TAS2R1: variants seen among roughly 807,000 people sequenced by gnomAD.
TAS2R1 encodes taste receptor type 2 member 1.
For synonymous variants in TAS2R1, 141 were observed against 134.2 expected (o/e 1.05, Z -0.35); for missense variants, 370 against 353.4 (o/e 1.05, Z -0.38).
chr5:9,687,474 T>C (rs1741151031), intron 1 of TAS2R1, among the ~76,000 whole-genome samples: 1 of 152,136 alleles, frequency 6.6e-6, no homozygotes, highest in Non-Finnish European at 1.5e-5. Flanking sequence ...TTTTGACACA[T>C]GCTGAACTGA....
intron 2 of TAS2R1, among the ~76,000 whole-genome samples, chr5:9,657,097 T>C (rs970357284): frequency 5.3e-5 from 8 of 152,086 alleles, no homozygotes; most frequent in African/African-American, 1.9e-4. Flanking sequence ...AAATATACAA[T>C]ATATACAATA....
intron 1 of TAS2R1, among the ~76,000 whole-genome samples, chr5:9,708,563 T>C (rs776946001): frequency 2.0e-5 from 3 of 152,154 alleles, no homozygotes; most frequent in Non-Finnish European, 4.4e-5. Flanking sequence ...ACTATTTATA[T>C]GGAAGCTTTA....
At chr5:9,836,980 C>T in the TAS2R1 span, among the ~76,000 whole-genome samples, 16,274 of 152,112 alleles carry the variant, frequency 0.11, 948 homozygotes, top group Non-Finnish European at 0.13. Context: ...AGATTTAATA[C>T]GTTATTTTAT....
upstream of TAS2R1, among the ~76,000 whole-genome samples, chr5:9,715,208 A>C (rs1043111561): frequency 6.6e-5 from 10 of 152,290 alleles, no homozygotes; most frequent in East Asian, 1.2e-3. Flanking sequence ...TGTGTCTAGG[A>C]ATTTGGGGCA....
rs1349851827 is a variant in TAS2R1 at position 9,627,411 on chromosome 5, C to A, written c.*1722G>T. Among the ~76,000 whole-genome samples, 1 of 151,052 alleles carries A rather than the reference C, an allele frequency of 6.6e-6. No homozygotes were observed. The highest frequency in any genetic ancestry group is 1.5e-5 in the Non-Finnish European group (1 of 68,002). On this transcript the variant is annotated 3_prime_UTR_variant, in exon 1 of 1. Transcript: ENST00000382492. Reference sequence around the variant, plus strand: ...ACATTTCTTGATAACAGTATAAAAACCTAGTCATATCTTAATAGTTATCTA... The same window carrying A: ...ACATTTCTTGATAACAGTATAAAAAACTAGTCATATCTTAATAGTTATCTA...
At chr5:9,857,002 GC>G in the TAS2R1 span, among the ~76,000 whole-genome samples, 1 of 152,152 alleles carries the variant, frequency 6.6e-6, no homozygotes, top group Non-Finnish European at 1.5e-5. Flanking sequence ...AGAACTGGTG[GC>G]CATTATGTAA....
chr5:9,901,927 C>T, the TAS2R1 span, among the ~76,000 whole-genome samples: 1 of 152,088 alleles, frequency 6.6e-6, no homozygotes, highest in African/African-American at 2.4e-5. Flanking sequence ...GTTTATCATC[C>T]TCCCACGTCC....
At chr5:9,873,800 C>T in the TAS2R1 span, among the ~76,000 whole-genome samples, 12 of 144,578 alleles carry the variant, frequency 8.3e-5, no homozygotes, top group East Asian at 4.2e-4. Flanking sequence ...ACCCTGGAGG[C>T]GGAGGTTGCA....
the TAS2R1 span, among the ~76,000 whole-genome samples, chr5:9,793,585 T>C: frequency 6.6e-6 from 1 of 152,124 alleles, no homozygotes. Flanking sequence ...TCAATGCAGG[T>C]GCTCCGCTGC....
At chr5:9,778,293 A>G in the TAS2R1 span, among the ~76,000 whole-genome samples, 2 of 152,264 alleles carry the variant, frequency 1.3e-5, no homozygotes, top group Admixed American at 1.3e-4. Flanking sequence ...TGTTGTAAAC[A>G]GATGTGCTGT....
the TAS2R1 span, among the ~76,000 whole-genome samples, chr5:9,817,934 A>G: frequency 6.6e-6 from 1 of 152,094 alleles, no homozygotes; most frequent in Admixed American, 6.6e-5. Flanking sequence ...AGCTCCCATG[A>G]GAACTCACTC....
the TAS2R1 span, among the ~76,000 whole-genome samples, chr5:9,790,603 G>C: frequency 1.3e-5 from 2 of 152,146 alleles, no homozygotes; most frequent in Non-Finnish European, 2.9e-5. Context: ...GTGTGTGTCT[G>C]TGTGTGCATG....
At chr5:9,753,066 T>G in the TAS2R1 span, among the ~76,000 whole-genome samples, 1 of 152,214 alleles carries the variant, frequency 6.6e-6, no homozygotes, top group Non-Finnish European at 1.5e-5. Flanking sequence ...ATATACCCAG[T>G]AATGGGATGG....
chr5:9,752,948 C>G, the TAS2R1 span, among the ~76,000 whole-genome samples: 1 of 152,150 alleles, frequency 6.6e-6, no homozygotes, highest in Non-Finnish European at 1.5e-5. Context: ...CAGTCTATCA[C>G]TGTTGGACAT....
the TAS2R1 span, among the ~76,000 whole-genome samples, chr5:9,785,654 T>G: frequency 6.6e-6 from 1 of 152,194 alleles, no homozygotes; most frequent in Non-Finnish European, 1.5e-5. Flanking sequence ...CATTTTAGGG[T>G]CCCAGAGACT....
chr5:9,744,540 C>A, the TAS2R1 span, among the ~76,000 whole-genome samples: 1 of 151,694 alleles, frequency 6.6e-6, no homozygotes, highest in African/African-American at 2.4e-5. Context: ...CCCTCCTAAT[C>A]AAGGTGATTA....
At chr5:9,736,467 C>G in the TAS2R1 span, among the ~76,000 whole-genome samples, 8 of 152,300 alleles carry the variant, frequency 5.3e-5, no homozygotes, top group African/African-American at 1.9e-4. Context: ...GATCAACATC[C>G]CAGCTCCCTC....
intron 1 of TAS2R1, among the ~76,000 whole-genome samples, chr5:9,660,439 C>T (rs550983312): frequency 1.2e-3 from 180 of 152,114 alleles, no homozygotes; most frequent in African/African-American, 4.2e-3. Context: ...TTATATAGAA[C>T]ATGTCCTACT....
the TAS2R1 span, among the ~76,000 whole-genome samples, chr5:9,740,678 C>T: frequency 3.9e-5 from 6 of 152,298 alleles, no homozygotes; most frequent in Middle Eastern, 0.014. Context: ...GGGGCAGAAG[C>T]CAAGAGAGGA....
Sources: allele counts gnomAD v4.1 joint callset (sites outside exome capture counted in the v4.1 genomes callset), GRCh38; gene constraint gnomAD v4.1.1; transcripts MANE v1.5; gene names NCBI Gene and HGNC (gene_info 2026-07-23, HGNC 2026-07-21).